The following CHRM5 variants were observed in gnomAD, a reference collection of about 807,000 sequenced individuals.
CHRM5 encodes muscarinic acetylcholine receptor M5.
Under a neutral mutation model 39.0 loss-of-function variants are expected in CHRM5, and 18 were observed. The observed-to-expected ratio is 0.46, with a 90% CI of 0.32 to 0.68. The LOEUF is 0.68. Among genes scored for constraint, CHRM5 ranks in the 30% least tolerant of loss-of-function variants. The pLI is 0.04. For synonymous variants in CHRM5, 241 were observed against 246.3 expected (o/e 0.98, Z 0.20); for missense variants, 515 against 651.1 (o/e 0.79, Z 2.28).
chr15:34,012,216 T>TA (rs1897666324), intron 1 of CHRM5, among the ~76,000 whole-genome samples: 1 of 152,224 alleles, frequency 6.6e-6, no homozygotes, highest in Admixed American at 6.5e-5. Context: ...AATTTGCTTC[T>TA]TGACGTGGTT....
chr15:34,063,812 A>G lies in CHRM5; in HGVS notation c.1095A>G (p.Pro365=), dbSNP rs1228044601. ...ACACCCCAAACTACCTTCTGTCTCC[A>G]GCAGCTGCTCATAGACCCAAGAGTC... ...DYDTPNYLLS[P]AAAHRPKSQK... The change falls in exon 3 of 3, where the codon CCA becomes CCG. Residue 365 remains proline (P), a synonymous_variant. Transcript: ENST00000383263. The surrounding 1 kb of genome is among the most constrained non-coding windows in gnomAD (Gnocchi z 4.1). The G allele has an allele frequency of 1.2e-6, 2 of 1,613,894 alleles. No individual in the cohort carries two copies. Among genetic ancestry groups the G allele is most frequent in the Non-Finnish European group, 1.7e-6 (2 of 1,179,832 alleles).
At chr15:33,978,707 A>T (rs1222277951) in intron 1 of CHRM5, among the ~76,000 whole-genome samples, 1 of 152,072 alleles carries the variant, frequency 6.6e-6, no homozygotes, top group Admixed American at 6.6e-5. Flanking sequence ...AATAAAATTA[A>T]GGTGTACAAA....
At chr15:34,006,666 T>G (rs982715297) in intron 1 of CHRM5, among the ~76,000 whole-genome samples, 3 of 152,236 alleles carry the variant, frequency 2.0e-5, no homozygotes, top group Non-Finnish European at 4.4e-5. Context: ...CTGATCCTTA[T>G]GCATATGAAT....
chr15:34,047,748 C>CTTTGT (rs1055432461), intron 2 of CHRM5, among the ~76,000 whole-genome samples: 2 of 127,614 alleles, frequency 1.6e-5, no homozygotes, highest in African/African-American at 2.9e-5. Flanking sequence ...CTTGTTTTGT[C>CTTTGT]TTTGTTTTGT....
chr15:33,974,369 A>G (rs1355687383), intron 1 of CHRM5, among the ~76,000 whole-genome samples: 1 of 152,214 alleles, frequency 6.6e-6, no homozygotes, highest in African/African-American at 2.4e-5. Flanking sequence ...TGAGGAATGA[A>G]TCTTTGCAAG....
intron 1 of CHRM5, among the ~76,000 whole-genome samples, chr15:34,010,269 T>G (rs1230744691): frequency 6.6e-6 from 1 of 152,204 alleles, no homozygotes; most frequent in Non-Finnish European, 1.5e-5. Flanking sequence ...GGCCCACCTA[T>G]GAACAGTATA....
At chr15:34,060,796 A>G (rs963827671) in intron 2 of CHRM5, among the ~76,000 whole-genome samples, 2 of 151,884 alleles carry the variant, frequency 1.3e-5, no homozygotes, top group African/African-American at 2.4e-5. Flanking sequence ...CTTGAACCCA[A>G]GGGGCAGAGG....
intron 1 of CHRM5, among the ~76,000 whole-genome samples, chr15:34,030,343 G>A (rs529221519): frequency 6.6e-6 from 1 of 152,046 alleles, no homozygotes; most frequent in Non-Finnish European, 1.5e-5. Flanking sequence ...GTTTTGGGGG[G>A]TTTTTTGTTT....
At chr15:33,990,504 T>C (rs1207043374) in intron 1 of CHRM5, among the ~76,000 whole-genome samples, 2 of 152,246 alleles carry the variant, frequency 1.3e-5, no homozygotes, top group Non-Finnish European at 2.9e-5. Flanking sequence ...GGAATACAAC[T>C]TAAACTCAGA....
rs772800399 is a variant in CHRM5, at chr15:34,063,756, G to A, written c.1039G>A (p.Val347Met). Residue 347 changes from valine (V) to methionine (M), a missense_variant, in exon 3 of 3, where the codon GTG (valine) becomes ATG (methionine). Transcript: ENST00000383263. This position sits in a 1 kb window ranked among gnomAD's most constrained non-coding sequence, Gnocchi z 4.1. ...TGCTGAAGAGACTGAGGAAACTTTT[G>A]TGAAAGCTGAAACTGAAAAAAGTGA... Reference protein sequence around the residue: ...FSAEETEETFVKAETEKSDYD... With the variant: ...FSAEETEETFMKAETEKSDYD... The A allele has an allele frequency of 6.2e-7, 1 of 1,614,116 alleles. No homozygotes were observed. Among genetic ancestry groups the A allele is most frequent in the Non-Finnish European group, 8.5e-7 (1 of 1,180,058 alleles).
rs577587036 is a variant in CHRM5 at position 34,064,124 on chromosome 15, C to G, written c.1407C>G (p.Asp469Glu). Reference sequence around the variant, plus strand: ...TGGTCCTGGTTTCTACCTTCTGTGACAAGTGTGTCCCAGTCACCCTGTGGC... The same window carrying G: ...TGGTCCTGGTTTCTACCTTCTGTGAGAAGTGTGTCCCAGTCACCCTGTGGC... ...NIMVLVSTFC[D>E]KCVPVTLWHL... Residue 469 changes from aspartate (D) to glutamate (E), a missense_variant, in exon 3 of 3, where the codon GAC becomes GAG. Physicochemically the swap from Asp to Glu is conservative, Grantham distance 45. Transcript: ENST00000383263. The G allele has an allele frequency of 6.2e-7, 1 of 1,614,184 alleles. No homozygotes were observed. Among genetic ancestry groups the G allele is most frequent in the African/African-American group, 1.3e-5 (1 of 75,040 alleles).
At chr15:34,039,053 G>A (rs1220087643) in intron 1 of CHRM5, 42 of 1,100,422 alleles carry the variant, frequency 3.8e-5, no homozygotes, top group Non-Finnish European at 4.4e-5. Flanking sequence ...GCATCTGGCC[G>A]CCGCTGGCGG....
At chr15:34,014,784 G>A (rs749207557) in intron 1 of CHRM5, among the ~76,000 whole-genome samples, 1 of 152,206 alleles carries the variant, frequency 6.6e-6, no homozygotes, top group Non-Finnish European at 1.5e-5. Context: ...AGCTAAGGCT[G>A]AAGGAGCTGA....
At chr15:34,025,426 G>A (rs1327967881) in intron 1 of CHRM5, among the ~76,000 whole-genome samples, 1 of 152,204 alleles carries the variant, frequency 6.6e-6, no homozygotes, top group Admixed American at 6.5e-5. Context: ...GGAACAATCA[G>A]AGAAGTAGAC....
chr15:34,061,142 C>T (rs940246537), intron 2 of CHRM5, among the ~76,000 whole-genome samples: 19 of 151,400 alleles, frequency 1.3e-4, no homozygotes, highest in African/African-American at 4.4e-4. Context: ...TAAATGGTAG[C>T]AGTGGTTACC....
intron 1 of CHRM5, among the ~76,000 whole-genome samples, chr15:34,032,026 C>A (rs1389990090): frequency 6.6e-6 from 1 of 151,098 alleles, no homozygotes; most frequent in Admixed American, 6.6e-5. Context: ...CGCACACGCA[C>A]ACACACACAC....
chr15:34,027,212 C>G (rs767104092), intron 1 of CHRM5, among the ~76,000 whole-genome samples: 8 of 152,110 alleles, frequency 5.3e-5, no homozygotes, highest in Non-Finnish European at 1.2e-4. Context: ...CCACTCTACT[C>G]TGGTCTGCAG....
At chr15:33,997,455 G>C (rs917998771) in intron 1 of CHRM5, among the ~76,000 whole-genome samples, 1 of 151,998 alleles carries the variant, frequency 6.6e-6, no homozygotes, top group Non-Finnish European at 1.5e-5. Flanking sequence ...CTCCAAAGAC[G>C]AGGTCTCCAC....
intron 1 of CHRM5, among the ~76,000 whole-genome samples, chr15:34,032,226 A>G (rs1279949890): frequency 1.3e-5 from 2 of 152,154 alleles, no homozygotes; most frequent in Non-Finnish European, 2.9e-5. Context: ...CAACCACCTA[A>G]TTTCTAGAAA....
Sources: gnomAD v4.1 joint callset for allele counts (sites outside exome capture counted in the v4.1 genomes callset) on GRCh38, gnomAD v4.1.1 for gene constraint, Gnocchi (gnomAD v3.1) non-coding constraint, MANE v1.5 for transcripts, NCBI Gene and HGNC (gene_info 2026-07-23, HGNC 2026-07-21) for gene names.